Variants in DGCR2 observed in about 807,000 individuals in gnomAD.
The protein encoded by DGCR2 is integral membrane protein DGCR2/IDD.
DGCR2 carries 24 observed loss-of-function variants against 51.6 expected under a neutral mutation model. That is an observed-to-expected ratio of 0.47 (90% confidence interval 0.34 to 0.65). DGCR2 has a LOEUF of 0.65. Among genes scored for constraint, DGCR2 ranks in the 30% least tolerant of loss-of-function variants. The pLI is 0.01. For synonymous variants in DGCR2, 340 were observed against 315.4 expected (o/e 1.08, Z -0.82); for missense variants, 765 against 772.1 (o/e 0.99, Z 0.11).
intron 5 of DGCR2, among the ~76,000 whole-genome samples, chr22:19,059,298 A>G (rs1212494833): frequency 6.6e-6 from 1 of 152,108 alleles, no homozygotes. Flanking sequence ...GTGACGGATG[A>G]TTGGGTGTTA....
At chr22:19,066,468 G>A (rs760532193) in intron 3 of DGCR2, among the ~76,000 whole-genome samples, 3 of 152,172 alleles carry the variant, frequency 2.0e-5, no homozygotes, top group Non-Finnish European at 4.4e-5. Flanking sequence ...AAATGTCAAG[G>A]CATCAGCTCT....
intron 2 of DGCR2, among the ~76,000 whole-genome samples, chr22:19,085,237 A>G (rs530550304): frequency 6.6e-6 from 1 of 152,320 alleles, no homozygotes; most frequent in East Asian, 1.9e-4. Context: ...GTGTGAGCAA[A>G]AGTAAAGTGG....
chr22:19,081,141 A>G (rs2082931700), intron 2 of DGCR2, among the ~76,000 whole-genome samples: 1 of 152,374 alleles, frequency 6.6e-6, no homozygotes. Flanking sequence ...AAAAAGCTGT[A>G]TAATATGTGA....
At chr22:19,069,935 C>T (rs2082795145) in intron 2 of DGCR2, among the ~76,000 whole-genome samples, 1 of 152,162 alleles carries the variant, frequency 6.6e-6, no homozygotes, top group Non-Finnish European at 1.5e-5. Flanking sequence ...AAAGTGAAGA[C>T]CTCAAAGGGA....
intron 2 of DGCR2, among the ~76,000 whole-genome samples, chr22:19,071,859 A>G (rs2082819484): frequency 6.6e-6 from 1 of 152,220 alleles, no homozygotes; most frequent in Admixed American, 6.5e-5. Context: ...GTAGAATATC[A>G]TAATATCTGT....
At chr22:19,108,366 T>A (rs1036469513) in intron 1 of DGCR2, among the ~76,000 whole-genome samples, 2 of 148,604 alleles carry the variant, frequency 1.3e-5, no homozygotes, top group African/African-American at 5.0e-5. Flanking sequence ...AGCCCAGGAG[T>A]TGGAGACCAG....
At chr22:19,051,188 CAAAAAAAAAAAAAA>C (rs61277487) in intron 6 of DGCR2, among the ~76,000 whole-genome samples, 2 of 54,850 alleles carry the variant, frequency 3.6e-5, no homozygotes, top group African/African-American at 1.1e-4. Context: ...AATTCTGTCA[CAAAAAAAAAAAAAA>C]AAAAAAAAAA....
intron 2 of DGCR2, among the ~76,000 whole-genome samples, chr22:19,078,322 A>G (rs952937393): frequency 6.6e-6 from 1 of 152,210 alleles, no homozygotes; most frequent in African/African-American, 2.4e-5. Flanking sequence ...TCTTTGTACT[A>G]TTACTGTAAA....
intron 4 of DGCR2, 141 bp downstream of exon 4, chr22:19,064,707 G>C: frequency 1.3e-6 from 1 of 743,786 alleles, no homozygotes; most frequent in Non-Finnish European, 2.2e-6. Flanking sequence ...GATCTCCTGG[G>C]CTTCCAGTGG....
At chr22:19,061,119 A>G (rs1019492130) in intron 5 of DGCR2, 2 of 206,998 alleles carry the variant, frequency 9.7e-6, no homozygotes, top group East Asian at 1.7e-4. Context: ...ACTTACATCC[A>G]TTTCCCATGG....
chr22:19,054,523 C>T (rs2082580834), intron 6 of DGCR2, among the ~76,000 whole-genome samples: 1 of 152,184 alleles, frequency 6.6e-6, no homozygotes. Context: ...CCAACTTGGA[C>T]AAATGGATTT....
chr22:19,042,032 C>T, intron 7 of DGCR2, 73 bp from the exon 8 acceptor site: 4 of 1,526,418 alleles, frequency 2.6e-6, no homozygotes, highest in Non-Finnish European at 3.5e-6. Flanking sequence ...ATGCTGTCGT[C>T]CTCCTGCCCA....
intron 1 of DGCR2, among the ~76,000 whole-genome samples, chr22:19,119,517 C>A (rs1486751264): frequency 6.6e-6 from 1 of 152,094 alleles, no homozygotes; most frequent in Non-Finnish European, 1.5e-5. Flanking sequence ...AGGTGGCTCA[C>A]CAGAGGTCAG....
rs764544261 is a variant in DGCR2 at position 19,038,971 on chromosome 22, G to A, written c.1547C>T (p.Ala516Val). Residue 516 changes from alanine (A) to valine (V), a missense_variant, in exon 10 of 10, where the codon GCC becomes GTC. Ala to Val is a moderately conservative substitution (Grantham distance 64, BLOSUM62 0). Coordinates refer to ENST00000263196, the MANE Select transcript of DGCR2 (RefSeq NM_005137.3). ...GGCAGGGTCAGGGGGCACGAGCAGG[G>A]CGCTGCTGCTGTCGGCAGAGTCTTC... ...DLEDSADSSSALLVPPDPAQS... is the reference protein window; with the variant it reads ...DLEDSADSSSVLLVPPDPAQS... 6 of 1,612,006 alleles carry A rather than the reference G, an allele frequency of 3.7e-6. No individual in the cohort carries two copies. In the South Asian group the frequency reaches 6.6e-5, roughly 18 times the overall value.
Position 19,064,930 on chromosome 22 carries a change from A to T in DGCR2, c.466T>A (p.Ser156Thr). The change falls in exon 4 of 10, where the codon TCC becomes ACC. Residue 156 changes from serine to threonine, a missense_variant. By Grantham distance (58) the Ser-to-Thr change is moderately conservative (BLOSUM62 1). This residue lies in a region of DGCR2 where 370 missense variants were observed against 325.5 expected (regional missense o/e 1.14). Coordinates refer to ENST00000263196, the MANE Select transcript of DGCR2 (RefSeq NM_005137.3). ...ACAAAGCGCAGCTCCTGGTCAGTGG[A>T]GAAGGTGGCGAGAGAGCCATTCAGG... ...QRLNGSLATF[S>T]TDQELRFVLA... 6.2e-7 allele frequency: 1 copy of T among 1,614,002 alleles called. No homozygotes were observed. Among genetic ancestry groups the T allele is most frequent in the Non-Finnish European group, 8.5e-7 (1 of 1,180,040 alleles).
At chr22:19,104,571 G>A (rs2083241880) in intron 1 of DGCR2, among the ~76,000 whole-genome samples, 1 of 152,210 alleles carries the variant, frequency 6.6e-6, no homozygotes, top group South Asian at 2.1e-4. Context: ...AAGAAATGCA[G>A]GAGAAATTCC....
At chr22:19,115,407 A>T (rs375590778) in intron 1 of DGCR2, among the ~76,000 whole-genome samples, 1 of 152,116 alleles carries the variant, frequency 6.6e-6, no homozygotes, top group East Asian at 1.9e-4. Flanking sequence ...CCATCACAGA[A>T]GCAAGCTCCT....
chr22:19,038,923 G>A lies in DGCR2; in HGVS notation c.1595C>T (p.Ala532Val). 8 of 1,612,788 alleles carry A rather than the reference G, an allele frequency of 5.0e-6. No individual in the cohort carries two copies. The highest frequency in any genetic ancestry group is 1.1e-5 in the South Asian group (1 of 91,048). Residue 532 changes from alanine (A) to valine (V), a missense_variant, in exon 10 of 10, where the codon GCA becomes GTA. Coordinates refer to ENST00000263196, the MANE Select transcript of DGCR2 (RefSeq NM_005137.3). ...DPAQSGSTPA[A>V]EALPGGGRHS... ...GCGGCCACCCCCTGGCAGTGCCTCT[G>A]CAGCTGGGGTGCTCCCGCTCTGGGC...
In DGCR2 at chr22:19,081,410, G is replaced by A. The variant is rs536070080; in HGVS notation, c.202+7958C>T. On this transcript the variant is annotated intron_variant, in intron 2 of 9. Coordinates refer to ENST00000263196, the MANE Select transcript of DGCR2 (RefSeq NM_005137.3). ...GCTTCTCTATATTGTGCCATATGTC[G>A]TTTTTAGCAACTTGCTTTTAGCTGA... 1.1e-4 allele frequency among the ~76,000 whole-genome samples: 17 copies of A among 152,244 alleles called. No individual in the cohort carries two copies. In the South Asian group the frequency reaches 1.7e-3, roughly 15 times the overall value.
Sources: gnomAD v4.1 joint callset for allele counts (sites outside exome capture counted in the v4.1 genomes callset) on GRCh38, gnomAD v4.1.1 for gene constraint, gnomAD v4.1.1 regional missense constraint, MANE v1.5 for transcripts, NCBI Gene and HGNC (gene_info 2026-07-23, HGNC 2026-07-21) for gene names.